Variants in CYP2S1 observed in about 807,000 individuals in gnomAD.
CYP2S1 encodes the protein cytochrome P450 family 2 subfamily S member 1.
CYP2S1 carries 32 observed loss-of-function variants against 43.5 expected under a neutral mutation model. The ratio of observed to expected loss-of-function variants is 0.74; its 90% CI spans 0.56 to 0.99. The LOEUF (loss-of-function observed/expected upper bound fraction) is 0.99. Ranked by LOEUF, CYP2S1 falls within the 50% of genes least tolerant of loss-of-function variation. CYP2S1 has a pLI of 0.00. For synonymous variants in CYP2S1, 283 were observed against 302.9 expected (o/e 0.93, Z 0.68); for missense variants, 575 against 673.9 (o/e 0.85, Z 1.62).
rs1316658901 is a variant in CYP2S1 at position 41,198,299 on chromosome 19, G to A, written c.494-163G>A. ...TTTCTTTCTCCCTGTCTGTTTCTCT[G>A]TCCCTATCTGTCTGTATCCTTCTTT... On this transcript the variant is annotated intron_variant, in intron 3 of 8. Transcript: ENST00000310054. This position sits in a 1 kb window ranked among gnomAD's most constrained non-coding sequence, Gnocchi z 4.9. Among the ~76,000 whole-genome samples the A allele has an allele frequency of 6.6e-6, 1 of 151,598 alleles. No individual in the cohort carries two copies. Among genetic ancestry groups the A allele is most frequent in the African/African-American group, 2.4e-5 (1 of 41,174 alleles).
chr19:41,203,055 G>A (rs530729882), intron 6 of CYP2S1, among the ~76,000 whole-genome samples: 3 of 151,696 alleles, frequency 2.0e-5, no homozygotes, highest in African/African-American at 7.2e-5. Flanking sequence ...AGCCAGGATC[G>A]CGCCACTGCA....
intron 6 of CYP2S1, 46 bp downstream of exon 6, chr19:41,201,418 G>A (rs1159021860): frequency 2.5e-6 from 4 of 1,594,476 alleles, no homozygotes; most frequent in Non-Finnish European, 3.4e-6. Flanking sequence ...AGAAGTCAGG[G>A]TTCTAGGCTG....
At chr19:41,197,700 A>AG (rs1355962840) in intron 2 of CYP2S1, 79 bp from the exon 3 acceptor site, 1 of 927,180 alleles carries the variant, frequency 1.1e-6, no homozygotes, top group Non-Finnish European at 1.4e-6. Flanking sequence ...ATTCCGTCTC[A>AG]AAAAAAAAAA....
intron 6 of CYP2S1, among the ~76,000 whole-genome samples, chr19:41,202,524 T>TTA (rs1164063692): frequency 6.6e-6 from 1 of 152,090 alleles, no homozygotes; most frequent in Non-Finnish European, 1.5e-5. Context: ...GCATGGTGGC[T>TTA]TATACCTGTA....
At chr19:41,204,108 G>T (rs563901113) in intron 7 of CYP2S1, among the ~76,000 whole-genome samples, 1 of 152,060 alleles carries the variant, frequency 6.6e-6, no homozygotes, top group South Asian at 2.1e-4. Flanking sequence ...TGATCTGCCC[G>T]CTTCGGCCTC....
intron 1 of CYP2S1, chr19:41,193,698 A>C: frequency 1.9e-5 from 11 of 579,762 alleles, no homozygotes; most frequent in Middle Eastern, 5.6e-4. Context: ...TGCCTACAGA[A>C]TCCTGGGAAG....
At chr19:41,193,876 G>T in intron 1 of CYP2S1, 1 of 159,630 alleles carries the variant, frequency 6.3e-6, no homozygotes, top group Non-Finnish European at 1.4e-5. Flanking sequence ...GGGAGTTGGA[G>T]GCAGAGAAGA....
At chr19:41,197,550 A>G (rs2033427516) in intron 2 of CYP2S1, among the ~76,000 whole-genome samples, 1 of 152,008 alleles carries the variant, frequency 6.6e-6, no homozygotes, top group Non-Finnish European at 1.5e-5. Flanking sequence ...AATACAAAAA[A>G]TGAGCCAGGC....
rs779568562 is a variant in CYP2S1, at chr19:41,198,871, C to A, written c.817C>A (p.Leu273Met). Reference protein sequence around the residue: ...GPARDLVDAFLLKMAQEEQNP... With the variant: ...GPARDLVDAFMLKMAQEEQNP... The stretch of plus-strand genomic sequence containing the variant: ...CGCACGTGACCTTGTCGATGCCTTC[C>A]TGCTGAAGATGGCACAGGTGTGGGA... The change falls in exon 5 of 9, where the codon CTG (leucine) becomes ATG (methionine). Residue 273 changes from leucine (L) to methionine (M), a missense_variant. By Grantham distance (15) the Leu-to-Met change is conservative. Transcript: ENST00000310054. This position sits in a 1 kb window ranked among gnomAD's most constrained non-coding sequence, Gnocchi z 4.9. The A allele has an allele frequency of 6.2e-7, 1 of 1,613,030 alleles. No homozygotes were observed. The highest frequency in any genetic ancestry group is 8.5e-7 in the Non-Finnish European group (1 of 1,179,214).
chr19:41,205,369 T>G (rs2033554864), intron 7 of CYP2S1, among the ~76,000 whole-genome samples: 1 of 71,656 alleles, frequency 1.4e-5, no homozygotes, highest in Non-Finnish European at 2.5e-5. Context: ...TTTCTTTCTT[T>G]CTTTCTTTCT....
At position 41,203,434 on chromosome 19, in the gene CYP2S1, C is replaced by T; in HGVS notation, c.977-16C>T. 1.3e-6 allele frequency: 2 copies of T among 1,581,538 alleles called. No individual in the cohort carries two copies. Among genetic ancestry groups the T allele is most frequent in the South Asian group, 1.1e-5 (1 of 87,032 alleles). On this transcript the variant is annotated splice_polypyrimidine_tract_variant and intron_variant, in intron 6 of 8. Transcript: ENST00000310054. Reference sequence around the variant, plus strand: ...GCCCTACCCCCGTCTGACTCCTGCCCTCCTCTTGCTTGCAGAGTGGGTACG... The same window carrying T: ...GCCCTACCCCCGTCTGACTCCTGCCTTCCTCTTGCTTGCAGAGTGGGTACG...
chr19:41,198,657 C>CT lies in CYP2S1; in HGVS notation c.654+36dup. 6.2e-7 allele frequency: 1 copy of CT among 1,613,678 alleles called. No homozygotes were observed. On this transcript the variant is annotated intron_variant, in intron 4 of 8. Transcript: ENST00000310054. The surrounding 1 kb of genome is among the most constrained non-coding windows in gnomAD (Gnocchi z 4.9). Reference sequence around the variant, plus strand: ...TGGGACCCCTCTCCAACTACCTTCCCTGAAGGTTCCTGCCAAGGTCCCATG... The same window carrying CT: ...TGGGACCCCTCTCCAACTACCTTCCCTTGAAGGTTCCTGCCAAGGTCCCATG...
At chr19:41,197,703 A>AG (rs1298485763) in intron 2 of CYP2S1, 76 bp from the exon 3 acceptor site, 2 of 1,574,934 alleles carry the variant, frequency 1.3e-6, no homozygotes, top group East Asian at 4.5e-5. Context: ...CCGTCTCAAA[A>AG]AAAAAAAGAA....
At chr19:41,206,220 C>T (rs1347043926) in intron 8 of CYP2S1, 60 bp from the exon 9 acceptor site, 2 of 1,611,904 alleles carry the variant, frequency 1.2e-6, no homozygotes, top group Non-Finnish European at 1.7e-6. Context: ...GCTGTTCCCC[C>T]CGTGGGCCTG....
rs536508902 is a variant in CYP2S1, at chr19:41,201,633, G to A, written c.976+261G>A. On this transcript the variant is annotated intron_variant, in intron 6 of 8. Coordinates refer to ENST00000310054, the MANE Select transcript of CYP2S1 (RefSeq NM_030622.8). ...GAGTGAGAATTGTTTGAGCCCAGGA[G>A]GTAGAAGTTGCAGTGAGCTGACATC... Among the ~76,000 whole-genome samples, 7 of 152,152 alleles carry A rather than the reference G, an allele frequency of 4.6e-5. No individual in the cohort carries two copies. In the South Asian group the frequency reaches 1.5e-3, roughly 32 times the overall value.
chr19:41,200,093 A>G (rs1370343094), intron 5 of CYP2S1, among the ~76,000 whole-genome samples: 1 of 152,168 alleles, frequency 6.6e-6, no homozygotes, highest in Non-Finnish European at 1.5e-5. Context: ...AATGGGGCCA[A>G]TTCTTTAATT....
Position 41,205,364 on chromosome 19 carries a change from TTC to T in CYP2S1, c.1165-592_1165-591del, listed in dbSNP as rs1203767653. On this transcript the variant is annotated intron_variant, in intron 7 of 8. Transcript: ENST00000310054. The stretch of plus-strand genomic sequence containing the variant: ...TTTTTTTCTTTCTTTCTTTCTTTCT[TTC>T]TTTCTTTCTTTCTTTCTCTCTCTCT... Among the ~76,000 whole-genome samples, 4 of 71,212 alleles carry T rather than the reference TTC, an allele frequency of 5.6e-5. No individual in the cohort carries two copies. In the African/African-American group the frequency reaches 7.0e-4, roughly 12 times the overall value. The allele number at this position is 71,212 out of a possible 152,430, so 46.7% of individuals were successfully genotyped here.
intron 2 of CYP2S1, 38 bp downstream of exon 2, chr19:41,194,747 G>A (rs1360019978): frequency 1.9e-6 from 3 of 1,584,158 alleles, no homozygotes; most frequent in Non-Finnish European, 2.6e-6. Context: ...CTCACAGCCT[G>A]CCACCACTTA....
rs1434609971 is a variant in CYP2S1 at position 41,193,372 on chromosome 19, C to T, written c.108C>T (p.Pro36=). The T allele has an allele frequency of 1.3e-6, 2 of 1,532,484 alleles. No homozygotes were observed. The highest frequency in any genetic ancestry group is 2.8e-5 in the African/African-American group (2 of 71,348). The allele number at this position is 1,532,484 out of a possible 1,614,324, so 94.9% of individuals were successfully genotyped here. ...TRARGHLPPG[P]TPLPLLGNLL... ...CCCGAGGCCACCTGCCCCCCGGGCC[C>T]ACGCCGCTACCACTGCTGGGAAACC... is the stretch of plus-strand genomic sequence containing the variant. Residue 36 remains proline (P), a synonymous_variant, in exon 1 of 9, where the codon CCC becomes CCT. Transcript: ENST00000310054.
Sources: gnomAD v4.1 joint callset for allele counts (sites outside exome capture counted in the v4.1 genomes callset) on GRCh38, gnomAD v4.1.1 for gene constraint, Gnocchi (gnomAD v3.1) non-coding constraint, MANE v1.5 for transcripts, NCBI Gene and HGNC (gene_info 2026-07-23, HGNC 2026-07-21) for gene names.